The following TMEM215 variants were observed in gnomAD, a reference collection of about 807,000 sequenced individuals.
TMEM215 encodes transmembrane protein 215.
In TMEM215, 12 loss-of-function variants were observed where a neutral mutation model predicts 14.7. The observed-to-expected ratio is 0.82, with a 90% CI of 0.52 to 1.33. The LOEUF is 1.33. TMEM215 is among the 40% of genes most tolerant of loss of function. The pLI, the probability that TMEM215 is intolerant of heterozygous loss-of-function variation, is 0.00. For missense variants in TMEM215, 276 were observed against 296.2 expected, an observed-to-expected ratio of 0.93 and a Z score of 0.50; for synonymous variants, 122 against 124.8, an observed-to-expected ratio of 0.98 and a Z score of 0.15.
At position 32,784,493 on chromosome 9, in the gene TMEM215, G is replaced by A. The variant is rs1385026280; in HGVS notation, c.310G>A (p.Gly104Ser). The change falls in exon 2 of 2, where the codon GGC becomes AGC. Residue 104 changes from glycine (G) to serine (S), a missense_variant. Transcript: ENST00000342743. ...LLRTPSDLES[G>S]KGSSDELAKK... ...GAGGACCCCTTCAGACCTAGAATCC[G>A]GCAAGGGGAGCTCAGATGAGCTGGC... 1.9e-6 allele frequency: 3 copies of A among 1,613,916 alleles called. No individual in the cohort carries two copies. Among genetic ancestry groups the A allele is most frequent in the Non-Finnish European group, 2.5e-6 (3 of 1,180,050 alleles).
chr9:32,785,709 G>A lies in TMEM215; in HGVS notation c.*818G>A, dbSNP rs1824499591. ...ATTTGAAATGATACTTTCATAGATT[G>A]GAATTTGTTTTCATCAAGACAAAAT... On this transcript the variant is annotated 3_prime_UTR_variant, in exon 2 of 2. Coordinates refer to ENST00000342743, the MANE Select transcript of TMEM215 (RefSeq NM_212558.3). 1 of 166,480 alleles carries A rather than the reference G, an allele frequency of 6.0e-6. No homozygotes were observed. Among genetic ancestry groups the A allele is most frequent in the Non-Finnish European group, 1.5e-5 (1 of 68,102 alleles). 10.3% of individuals were successfully genotyped at this position (166,480 alleles called of 1,614,324 possible). A position where few individuals can be genotyped will look rare whatever the true frequency, so the allele number is the denominator to read the frequency against.
In TMEM215 at chr9:32,784,790, A is replaced by G. The variant is rs1333998098; in HGVS notation, c.607A>G (p.Ser203Gly). 3.1e-6 allele frequency: 5 copies of G among 1,613,832 alleles called. No individual in the cohort carries two copies. The Admixed American group carries it at 5.0e-5, about 16-fold the overall frequency. ...TAGCATCTTCTTTGTGCCCCAGGAC[A>G]GTATCATCGTTTGCTCCTACAAGCA... is the stretch of plus-strand genomic sequence containing the variant. ...EDSIFFVPQD[S>G]IIVCSYKQNS... Residue 203 changes from serine to glycine, a missense_variant, in exon 2 of 2, where the codon AGT becomes GGT. Coordinates refer to ENST00000342743, the MANE Select transcript of TMEM215 (RefSeq NM_212558.3).
intron 1 of TMEM215, 35 bp downstream of exon 1, chr9:32,783,840 T>C (rs143651612): frequency 8.4e-6 from 2 of 237,282 alleles, no homozygotes; most frequent in Non-Finnish European, 1.6e-5. Flanking sequence ...CGTGTTGATA[T>C]GAGAGAGAGA....
Position 32,784,251 on chromosome 9 carries a change from T to C in TMEM215, c.68T>C (p.Phe23Ser). Residue 23 changes from phenylalanine (F) to serine (S), a missense_variant, in exon 2 of 2, where the codon TTT (phenylalanine) becomes TCT (serine). Transcript: ENST00000342743. ...GCCCTGGTCAGTGTCTTCCTCGTCTTTGGTTTCATGTTCACCGTCTCTGGG... is the reference window on the plus strand; with the variant it reads ...GCCCTGGTCAGTGTCTTCCTCGTCTCTGGTTTCATGTTCACCGTCTCTGGG... ...VVALVSVFLV[F>S]GFMFTVSGMK... 6.2e-7 allele frequency: 1 copy of C among 1,614,168 alleles called. No individual in the cohort carries two copies. The highest frequency in any genetic ancestry group is 1.1e-5 in the South Asian group (1 of 91,070).
Position 32,784,974 on chromosome 9 carries a change from C to G in TMEM215, c.*83C>G. Reference sequence around the variant, plus strand: ...GAAGCAAATTGCTCTGCTTGGAGAGCCTTCACACTGTTAGAAATTGACCTG... The same window carrying G: ...GAAGCAAATTGCTCTGCTTGGAGAGGCTTCACACTGTTAGAAATTGACCTG... On this transcript the variant is annotated 3_prime_UTR_variant, in exon 2 of 2. Coordinates refer to ENST00000342743, the MANE Select transcript of TMEM215 (RefSeq NM_212558.3). The G allele has an allele frequency of 6.0e-6, 7 of 1,174,312 alleles. No homozygotes were observed. The highest frequency in any genetic ancestry group is 4.1e-5 in the Admixed American group (2 of 48,300). 72.7% of individuals were successfully genotyped at this position (1,174,312 alleles called of 1,614,324 possible). A position where few individuals can be genotyped will look rare whatever the true frequency, so the allele number is the denominator to read the frequency against.
At position 32,785,292 on chromosome 9, in the gene TMEM215, G is replaced by A. The variant is rs997712408; in HGVS notation, c.*401G>A. The stretch of plus-strand genomic sequence containing the variant: ...CCACAGGGAAACTGAGCTGCTTTAT[G>A]TTTGAATAAGTTGAAAATAAAATTA... On this transcript the variant is annotated 3_prime_UTR_variant, in exon 2 of 2. Coordinates refer to ENST00000342743, the MANE Select transcript of TMEM215 (RefSeq NM_212558.3). The A allele has an allele frequency of 2.2e-5, 4 of 178,022 alleles. No individual in the cohort carries two copies. The highest frequency in any genetic ancestry group is 9.6e-5 in the African/African-American group (4 of 41,756). The allele number at this position is 178,022 out of a possible 1,614,324, so 11.0% of individuals were successfully genotyped here.
Position 32,788,864 on chromosome 9 carries a change from T to C in TMEM215, c.*3973T>C, listed in dbSNP as rs1824535656. 1.3e-5 allele frequency among the ~76,000 whole-genome samples: 2 copies of C among 152,336 alleles called. No homozygotes were observed. Among genetic ancestry groups the C allele is most frequent in the South Asian group, 4.1e-4 (2 of 4,824 alleles). ...AGCTAAGATACCAGTGGTGTGTTTC[T>C]CACAATTAGATTACAGTGGTGTCAG... On this transcript the variant is annotated 3_prime_UTR_variant, in exon 2 of 2. Transcript: ENST00000342743.
rs1172033174 is a variant in TMEM215, at chr9:32,788,530, T to C, written c.*3639T>C. 6.6e-6 allele frequency among the ~76,000 whole-genome samples: 1 copy of C among 152,280 alleles called. No individual in the cohort carries two copies. Among genetic ancestry groups the C allele is most frequent in the Non-Finnish European group, 1.5e-5 (1 of 68,046 alleles). On this transcript the variant is annotated 3_prime_UTR_variant, in exon 2 of 2. Coordinates refer to ENST00000342743, the MANE Select transcript of TMEM215 (RefSeq NM_212558.3). ...CCATAATTTATCATGCCATTCCTTA[T>C]TGCTGGCAAGATACTAAGTTTTATG... is the stretch of plus-strand genomic sequence containing the variant.
chr9:32,784,416 G>A lies in TMEM215; in HGVS notation c.233G>A (p.Arg78His), dbSNP rs1824479002. The change falls in exon 2 of 2, where the codon CGC becomes CAC. Residue 78 changes from arginine to histidine, a missense_variant. Arg to His is a conservative substitution (Grantham distance 29). Coordinates refer to ENST00000342743, the MANE Select transcript of TMEM215 (RefSeq NM_212558.3). ...CCAGAGAACGAGCTGCTGTGGGTCCGCAAATTGCCCTGCTTCCGGAAACCC... is the reference window on the plus strand; with the variant it reads ...CCAGAGAACGAGCTGCTGTGGGTCCACAAATTGCCCTGCTTCCGGAAACCC... Reference protein sequence around the residue: ...KWPENELLWVRKLPCFRKPKD... With the variant: ...KWPENELLWVHKLPCFRKPKD... 6.2e-7 allele frequency: 1 copy of A among 1,614,204 alleles called. No individual in the cohort carries two copies. Among genetic ancestry groups the A allele is most frequent in the South Asian group, 1.1e-5 (1 of 91,092 alleles).
intron 1 of TMEM215, 71 bp from the exon 2 acceptor site, chr9:32,784,055 A>C (rs755243032): frequency 6.1e-6 from 5 of 822,550 alleles, no homozygotes; most frequent in Non-Finnish European, 9.6e-6. Context: ...GGGCAAGAGA[A>C]AGACAAGAGT....
rs1824502402 is a variant in TMEM215, at chr9:32,785,982, T to C, written c.*1091T>C. 6.0e-6 allele frequency: 1 copy of C among 167,010 alleles called. No individual in the cohort carries two copies. Among genetic ancestry groups the C allele is most frequent in the South Asian group, 2.1e-4 (1 of 4,836 alleles). The allele number at this position is 167,010 out of a possible 1,614,324, so 10.3% of individuals were successfully genotyped here. ...TCATCTACTAAATTTAACTGAAGCC[T>C]AGATTTTATTAAGCTCACCTGATCA... is the stretch of plus-strand genomic sequence containing the variant. On this transcript the variant is annotated 3_prime_UTR_variant, in exon 2 of 2. Transcript: ENST00000342743.
Position 32,784,494 on chromosome 9 carries a change from G to T in TMEM215, c.311G>T (p.Gly104Val), listed in dbSNP as rs1212412559. ...AGGACCCCTTCAGACCTAGAATCCG[G>T]CAAGGGGAGCTCAGATGAGCTGGCT... is the stretch of plus-strand genomic sequence containing the variant. ...LLRTPSDLES[G>V]KGSSDELAKK... The change falls in exon 2 of 2, where the codon GGC becomes GTC. Residue 104 changes from glycine (G) to valine (V), a missense_variant. Transcript: ENST00000342743. 5 of 1,614,058 alleles carry T rather than the reference G, an allele frequency of 3.1e-6. No homozygotes were observed. In the African/African-American group the frequency reaches 4.0e-5, roughly 13 times the overall value.
Position 32,788,175 on chromosome 9 carries a change from A to G in TMEM215, c.*3284A>G, listed in dbSNP as rs1353552727. Among the ~76,000 whole-genome samples, 1 of 152,196 alleles carries G rather than the reference A, an allele frequency of 6.6e-6. No homozygotes were observed. Among genetic ancestry groups the G allele is most frequent in the Non-Finnish European group, 1.5e-5 (1 of 68,008 alleles). On this transcript the variant is annotated 3_prime_UTR_variant, in exon 2 of 2. Transcript: ENST00000342743. The stretch of plus-strand genomic sequence containing the variant: ...TGTTAAATGTTTTTTCTCTTTTGCA[A>G]TGTCCAAGCTCTACTTATTTATTAA...
Position 32,784,400 on chromosome 9 carries a change from G to A in TMEM215, c.217G>A (p.Glu73Lys), listed in dbSNP as rs536840502. ...GGGATGCACCAAGTGGCCAGAGAAC[G>A]AGCTGCTGTGGGTCCGCAAATTGCC... ...TEGCTKWPEN[E>K]LLWVRKLPCF... The change falls in exon 2 of 2, where the codon GAG becomes AAG. Residue 73 changes from glutamate to lysine, a missense_variant. Physicochemically the swap from Glu to Lys is moderately conservative, Grantham distance 56. Transcript: ENST00000342743. The A allele has an allele frequency of 1.9e-6, 3 of 1,614,066 alleles. No homozygotes were observed. The East Asian group carries it at 6.7e-5, about 36-fold the overall frequency.
In TMEM215 at chr9:32,785,000, G is replaced by T. The variant is rs976932375; in HGVS notation, c.*109G>T. 4.5e-6 allele frequency: 4 copies of T among 888,378 alleles called. No individual in the cohort carries two copies. The highest frequency in any genetic ancestry group is 5.3e-6 in the Non-Finnish European group (3 of 568,928). 55.0% of individuals were successfully genotyped at this position (888,378 alleles called of 1,614,324 possible). Reference sequence around the variant, plus strand: ...CTTCACACTGTTAGAAATTGACCTGGTATGTGATGGGTGTGATAACCTCTG... The same window carrying T: ...CTTCACACTGTTAGAAATTGACCTGTTATGTGATGGGTGTGATAACCTCTG... On this transcript the variant is annotated 3_prime_UTR_variant, in exon 2 of 2. Transcript: ENST00000342743.
chr9:32,783,712 A>G lies in TMEM215; in HGVS notation c.-152A>G, dbSNP rs1824465761. The G allele has an allele frequency of 6.4e-6, 1 of 156,698 alleles. No individual in the cohort carries two copies. Among genetic ancestry groups the G allele is most frequent in the Admixed American group, 6.3e-5 (1 of 15,864 alleles). 9.7% of individuals were successfully genotyped at this position (156,698 alleles called of 1,614,324 possible). ...GAAACCAGGCTTTCCTCCCAGAACC[A>G]AGGGAGCGAGCCGAGGGGGCAGCTG... On this transcript the variant is annotated 5_prime_UTR_variant, in exon 1 of 2. Coordinates refer to ENST00000342743, the MANE Select transcript of TMEM215 (RefSeq NM_212558.3).
At position 32,784,319 on chromosome 9, in the gene TMEM215, G is replaced by A. The variant is rs1338639825; in HGVS notation, c.136G>A (p.Gly46Arg). 3.7e-6 allele frequency: 6 copies of A among 1,614,178 alleles called. No homozygotes were observed. Among genetic ancestry groups the A allele is most frequent in the Non-Finnish European group, 5.1e-6 (6 of 1,180,032 alleles). Reference sequence around the variant, plus strand: ...GGGAAACATCCCCCTCCTGGCCATCGGGCCAGCCATCTGCCTACCAGGCAT... The same window carrying A: ...GGGAAACATCCCCCTCCTGGCCATCAGGCCAGCCATCTGCCTACCAGGCAT... Reference protein sequence around the residue: ...TLGNIPLLAIGPAICLPGIAA... With the variant: ...TLGNIPLLAIRPAICLPGIAA... The change falls in exon 2 of 2, where the codon GGG becomes AGG. Residue 46 changes from glycine to arginine, a missense_variant. By Grantham distance (125) the Gly-to-Arg change is moderately radical. Transcript: ENST00000342743.
chr9:32,784,009 T>A, intron 1 of TMEM215, 117 bp from the exon 2 acceptor site: 1 of 618,252 alleles, frequency 1.6e-6, no homozygotes, highest in South Asian at 2.0e-5. Context: ...GAGACAGAGA[T>A]CAAGACTGAA....
Position 32,784,129 on chromosome 9 carries a change from A to G in TMEM215, c.-55A>G. The G allele has an allele frequency of 6.6e-7, 1 of 1,525,746 alleles. No homozygotes were observed. Among genetic ancestry groups the G allele is most frequent in the South Asian group, 1.3e-5 (1 of 79,364 alleles). The allele number at this position is 1,525,746 out of a possible 1,614,324, so 94.5% of individuals were successfully genotyped here. Reference sequence around the variant, plus strand: ...ACTGTGGTTTCATCTCTGACAGAATAGAGGAACGCTGCTCCCTGGTCAGCA... The same window carrying G: ...ACTGTGGTTTCATCTCTGACAGAATGGAGGAACGCTGCTCCCTGGTCAGCA... On this transcript the variant is annotated 5_prime_UTR_variant, in exon 2 of 2. It adds an upstream start codon to the 5' untranslated region. Transcript: ENST00000342743.
Sources: gnomAD v4.1 joint callset for allele counts (sites outside exome capture counted in the v4.1 genomes callset) on GRCh38, gnomAD v4.1.1 for gene constraint, MANE v1.5 for transcripts, NCBI Gene and HGNC (gene_info 2026-07-23, HGNC 2026-07-21) for gene names.